SLC15A4: variants seen among roughly 807,000 people sequenced by gnomAD.
The protein encoded by SLC15A4 is solute carrier family 15 member 4, also known as hPHT1.
Under a neutral mutation model 46.1 loss-of-function variants are expected in SLC15A4, and 26 were observed. The ratio of observed to expected loss-of-function variants is 0.56; its 90% confidence interval spans 0.41 to 0.78. SLC15A4 has a LOEUF of 0.78. Among genes scored for constraint, SLC15A4 ranks in the 30% least tolerant of loss-of-function variants. The pLI is 0.00. For synonymous variants in SLC15A4, 370 were observed against 333.4 expected (o/e 1.11, Z -1.20); for missense variants, 751 against 755.7 (o/e 0.99, Z 0.07).
chr12:128,805,153 C>A lies in SLC15A4; in HGVS notation c.1258+3635G>T, dbSNP rs571012086. Among the ~76,000 whole-genome samples the A allele has an allele frequency of 2.0e-5, 3 of 152,186 alleles. No homozygotes were observed. The East Asian group carries it at 5.8e-4, about 29-fold the overall frequency. ...GATGCAATTATCCTTGGATACCCCC[C>A]CCAAAAAAATCCAACATTCATGCTG... On this transcript the variant is annotated intron_variant, in intron 5 of 7. Coordinates refer to ENST00000266771, the MANE Select transcript of SLC15A4 (RefSeq NM_145648.4).
At chr12:128,804,108 C>T (rs1039071582) in intron 5 of SLC15A4, among the ~76,000 whole-genome samples, 1 of 152,164 alleles carries the variant, frequency 6.6e-6, no homozygotes, top group African/African-American at 2.4e-5. Flanking sequence ...TATTCACCTA[C>T]AACATTTTGA....
intron 5 of SLC15A4, among the ~76,000 whole-genome samples, chr12:128,806,297 G>C (rs1018865168): frequency 2.6e-5 from 4 of 151,782 alleles, no homozygotes; most frequent in Non-Finnish European, 5.9e-5. Flanking sequence ...TGACAAGTTT[G>C]ATAAATTTTG....
intron 2 of SLC15A4, among the ~76,000 whole-genome samples, chr12:128,812,732 C>A (rs1335345925): frequency 6.6e-6 from 1 of 152,170 alleles, no homozygotes; most frequent in African/African-American, 2.4e-5. Flanking sequence ...TCAGGCCCCA[C>A]CGTGAGCCCA....
At chr12:128,821,950 A>G (rs563757744) in intron 1 of SLC15A4, among the ~76,000 whole-genome samples, 2 of 152,186 alleles carry the variant, frequency 1.3e-5, no homozygotes, top group South Asian at 4.2e-4. Context: ...GAATCCTCAG[A>G]AAATAAGAAG....
intron 5 of SLC15A4, among the ~76,000 whole-genome samples, chr12:128,806,868 T>C (rs1451907039): frequency 1.3e-5 from 2 of 150,858 alleles, no homozygotes; most frequent in African/African-American, 2.4e-5. Flanking sequence ...AGTCAGTACA[T>C]ACTGGACTTG....
At chr12:128,795,693 T>C (rs1955435185) in intron 7 of SLC15A4, among the ~76,000 whole-genome samples, 1 of 152,198 alleles carries the variant, frequency 6.6e-6, no homozygotes, top group African/African-American at 2.4e-5. Flanking sequence ...CCGGCTAACA[T>C]CACCACTCAA....
intron 1 of SLC15A4, chr12:128,815,289 A>G (rs949859769): frequency 2.6e-5 from 6 of 227,316 alleles, no homozygotes; most frequent in African/African-American, 4.8e-5. Context: ...ACTTAATTAC[A>G]CTAAATTCCA....
Position 128,794,138 on chromosome 12 carries a change from G to A in SLC15A4, c.*58C>T. The A allele has an allele frequency of 4.7e-6, 7 of 1,494,586 alleles. No homozygotes were observed. The highest frequency in any genetic ancestry group is 5.5e-6 in the Non-Finnish European group (6 of 1,096,814). 92.6% of individuals were successfully genotyped at this position (1,494,586 alleles called of 1,614,324 possible). On this transcript the variant is annotated 3_prime_UTR_variant, in exon 8 of 8. Transcript: ENST00000266771. Reference sequence around the variant, plus strand: ...ATTTAAAGTCTTGCCTGTTCTCAGTGCACCCCAGTCAGTTACTGACATGTC... The same window carrying A: ...ATTTAAAGTCTTGCCTGTTCTCAGTACACCCCAGTCAGTTACTGACATGTC...
chr12:128,794,990 T>C (rs1395045289), intron 7 of SLC15A4, among the ~76,000 whole-genome samples: 2 of 152,206 alleles, frequency 1.3e-5, no homozygotes, highest in Non-Finnish European at 2.9e-5. Context: ...TTTATAGTTA[T>C]GATTGGCCTG....
chr12:128,797,013 C>T (rs564309863), intron 7 of SLC15A4, among the ~76,000 whole-genome samples: 1 of 152,152 alleles, frequency 6.6e-6, no homozygotes, highest in South Asian at 2.1e-4. Context: ...CCTAAGTCGC[C>T]TGGGAGAAAA....
At chr12:128,799,540 G>A (rs1955490216) in intron 6 of SLC15A4, 123 bp from the exon 7 acceptor site, 3 of 977,540 alleles carry the variant, frequency 3.1e-6, no homozygotes, top group Non-Finnish European at 3.0e-6. Flanking sequence ...CTGCAGACAG[G>A]CACAACCTCT....
chr12:128,805,686 C>T (rs531501934), intron 5 of SLC15A4, among the ~76,000 whole-genome samples: 92 of 152,234 alleles, frequency 6.0e-4, no homozygotes, highest in African/African-American at 2.1e-3. Context: ...CATGCGCCAC[C>T]ACGCATGGCT....
intron 7 of SLC15A4, among the ~76,000 whole-genome samples, chr12:128,797,140 G>A (rs1247650320): frequency 2.0e-5 from 3 of 152,046 alleles, no homozygotes; most frequent in Middle Eastern, 3.2e-3. Context: ...AGGAATGAGC[G>A]CACCCGCCCC....
At chr12:128,822,305 C>T (rs1955855224) in intron 1 of SLC15A4, among the ~76,000 whole-genome samples, 1 of 152,222 alleles carries the variant, frequency 6.6e-6, no homozygotes, top group South Asian at 2.1e-4. Flanking sequence ...AGCTTTCCGA[C>T]CCAACCTAGC....
At chr12:128,812,784 C>G (rs997899250) in intron 2 of SLC15A4, among the ~76,000 whole-genome samples, 18 of 152,220 alleles carry the variant, frequency 1.2e-4, no homozygotes, top group Admixed American at 1.2e-3. Context: ...GAAAGCTGGG[C>G]TTCGCAAGAT....
At chr12:128,794,565 G>A (rs1232947266) in intron 7 of SLC15A4, among the ~76,000 whole-genome samples, 2 of 152,328 alleles carry the variant, frequency 1.3e-5, no homozygotes, top group Non-Finnish European at 2.9e-5. Context: ...GCCACCGGGG[G>A]CTCTGGAGGT....
chr12:128,804,119 G>A (rs778379802), intron 5 of SLC15A4, among the ~76,000 whole-genome samples: 1 of 152,154 alleles, frequency 6.6e-6, no homozygotes, highest in African/African-American at 2.4e-5. Context: ...AACATTTTGA[G>A]AGAGTGATAT....
rs1480558253 is a variant in SLC15A4, at chr12:128,823,597, C to T, written c.347G>A (p.Gly116Asp). The T allele has an allele frequency of 1.4e-6, 2 of 1,457,628 alleles. No individual in the cohort carries two copies. The highest frequency in any genetic ancestry group is 9.0e-7 in the Non-Finnish European group (1 of 1,111,306). 90.3% of individuals were successfully genotyped at this position (1,457,628 alleles called of 1,614,324 possible). ...ILLSLALYLL[G>D]MLAFPLLAAP... Reference sequence around the variant, plus strand: ...GGCCAGCAGCGGGAAGGCCAGCATGCCCAGCAGGTAGAGCGCCAGGCTCAG... The same window carrying T: ...GGCCAGCAGCGGGAAGGCCAGCATGTCCAGCAGGTAGAGCGCCAGGCTCAG... Residue 116 changes from glycine (G) to aspartate (D), a missense_variant, in exon 1 of 8, where the codon GGC (glycine) becomes GAC (aspartate). Gly to Asp is a moderately conservative substitution (Grantham distance 94, BLOSUM62 -1). Coordinates refer to ENST00000266771, the MANE Select transcript of SLC15A4 (RefSeq NM_145648.4).
chr12:128,800,668 C>G, intron 6 of SLC15A4, 186 bp downstream of exon 6: 1 of 534,628 alleles, frequency 1.9e-6, no homozygotes, highest in Non-Finnish European at 3.2e-6. Flanking sequence ...TGTTTTTACA[C>G]AAAGAATGGA....
Sources: gnomAD v4.1 joint callset for allele counts (sites outside exome capture counted in the v4.1 genomes callset) on GRCh38, gnomAD v4.1.1 for gene constraint, MANE v1.5 for transcripts, NCBI Gene and HGNC (gene_info 2026-07-23, HGNC 2026-07-21) for gene names.